Variants in TMEM132D observed in about 807,000 individuals in gnomAD.
The protein encoded by TMEM132D is transmembrane protein 132D.
TMEM132D carries 21 observed loss-of-function variants against 62.3 expected under a neutral mutation model. The ratio of observed to expected loss-of-function variants is 0.34; its 90% confidence interval spans 0.24 to 0.49. The LOEUF is 0.49. Among genes scored for constraint, TMEM132D ranks in the 20% least tolerant of loss-of-function variants. The pLI, the probability that TMEM132D is intolerant of heterozygous loss-of-function variation, is 0.99. For missense variants in TMEM132D, 1,346 were observed against 1,402.8 expected (o/e 0.96, Z 0.65); for synonymous variants, 621 against 575.6 (o/e 1.08, Z -1.13).
intron 2 of TMEM132D, among the ~76,000 whole-genome samples, chr12:129,560,845 A>T (rs1312351223): frequency 1.3e-5 from 2 of 152,178 alleles, no homozygotes; most frequent in Admixed American, 1.3e-4. Context: ...TGAAACTTTC[A>T]TGTTAGTTCT....
At chr12:129,436,803 T>C (rs1872799564) in intron 3 of TMEM132D, among the ~76,000 whole-genome samples, 2 of 152,152 alleles carry the variant, frequency 1.3e-5, no homozygotes, top group Non-Finnish European at 2.9e-5. Flanking sequence ...GACATAAAAA[T>C]GAACTTGAAG....
intron 3 of TMEM132D, among the ~76,000 whole-genome samples, chr12:129,476,267 T>C (rs144204638): frequency 1.3e-5 from 2 of 152,360 alleles, no homozygotes; most frequent in East Asian, 3.9e-4. Flanking sequence ...TGGACATTTG[T>C]AGGGCTATTG....
At chr12:129,637,236 A>G (rs1321775858) in intron 2 of TMEM132D, among the ~76,000 whole-genome samples, 1 of 152,226 alleles carries the variant, frequency 6.6e-6, no homozygotes, top group Non-Finnish European at 1.5e-5. Context: ...GTTGTATTCA[A>G]ATCTATACTT....
intron 4 of TMEM132D, among the ~76,000 whole-genome samples, chr12:129,230,169 A>G (rs1389019772): frequency 6.6e-6 from 1 of 152,198 alleles, no homozygotes; most frequent in Non-Finnish European, 1.5e-5. Context: ...TCTGAGGTCT[A>G]TGCTTCCCTT....
At chr12:129,127,505 A>G (rs1213633907) in intron 5 of TMEM132D, among the ~76,000 whole-genome samples, 2 of 152,194 alleles carry the variant, frequency 1.3e-5, no homozygotes, top group Non-Finnish European at 2.9e-5. Flanking sequence ...GAACGAAAGC[A>G]AACAAGCCCA....
At chr12:129,255,567 T>C (rs1275035558) in intron 4 of TMEM132D, among the ~76,000 whole-genome samples, 3 of 152,234 alleles carry the variant, frequency 2.0e-5, no homozygotes, top group Non-Finnish European at 4.4e-5. Flanking sequence ...GCAATTATGT[T>C]CTAAAACTAC....
chr12:129,854,086 G>C (rs1044763471), intron 1 of TMEM132D, among the ~76,000 whole-genome samples: 3 of 152,052 alleles, frequency 2.0e-5, no homozygotes, highest in Admixed American at 1.3e-4. Flanking sequence ...GGCAGTCCTC[G>C]TCACTTTCAC....
At chr12:129,237,059 C>T (rs1181766557) in intron 4 of TMEM132D, among the ~76,000 whole-genome samples, 1 of 152,134 alleles carries the variant, frequency 6.6e-6, no homozygotes, top group Non-Finnish European at 1.5e-5. Flanking sequence ...AACATCTTTG[C>T]ATCCGGGGGT....
At chr12:129,493,062 T>C (rs1874848712) in intron 3 of TMEM132D, among the ~76,000 whole-genome samples, 1 of 152,178 alleles carries the variant, frequency 6.6e-6, no homozygotes, top group African/African-American at 2.4e-5. Context: ...AAACCACCTG[T>C]GCCCCTGTAT....
At position 129,183,147 on chromosome 12, in the gene TMEM132D, C is replaced by G. The variant is rs116860752; in HGVS notation, c.1443+26373G>C. Among the ~76,000 whole-genome samples the G allele has an allele frequency of 4.3e-3, 654 of 152,292 alleles. 4 individuals carry two copies. The highest frequency in any genetic ancestry group is 7.9e-3 in the Non-Finnish European group (539 of 68,034). ...ATCCCTCTGACCAAAGCGGGCCAGG[C>G]CACATGGCCAAGACCAGGGTCAATA... On this transcript the variant is annotated intron_variant, in intron 5 of 8. Coordinates refer to ENST00000422113, the MANE Select transcript of TMEM132D (RefSeq NM_133448.3).
At chr12:129,352,724 C>A (rs1280722449) in intron 3 of TMEM132D, among the ~76,000 whole-genome samples, 1 of 152,072 alleles carries the variant, frequency 6.6e-6, no homozygotes, top group African/African-American at 2.4e-5. Context: ...CCATCTCATG[C>A]CAGTCAGAAT....
rs1235924782 is a variant in TMEM132D at position 129,339,354 on chromosome 12, G to T, written c.1116-1537C>A. Reference sequence around the variant, plus strand: ...AGAGGAGGGGAAGGAGGGGGCCGGAGAAATGAGATGAGAAGAACTGCCAAA... The same window carrying T: ...AGAGGAGGGGAAGGAGGGGGCCGGATAAATGAGATGAGAAGAACTGCCAAA... On this transcript the variant is annotated intron_variant, in intron 3 of 8. Transcript: ENST00000422113. 4.6e-5 allele frequency among the ~76,000 whole-genome samples: 7 copies of T among 152,306 alleles called. No individual in the cohort carries two copies. In the East Asian group the frequency reaches 9.6e-4, roughly 21 times the overall value.
intron 2 of TMEM132D, among the ~76,000 whole-genome samples, chr12:129,635,469 C>T (rs1879452442): frequency 6.6e-6 from 1 of 152,198 alleles, no homozygotes; most frequent in Non-Finnish European, 1.5e-5. Context: ...CCTGTGCAGT[C>T]GCCCTCCTTA....
intron 1 of TMEM132D, among the ~76,000 whole-genome samples, chr12:129,838,738 G>A (rs1051976822): frequency 1.1e-4 from 17 of 152,094 alleles, no homozygotes; most frequent in East Asian, 3.9e-4. Context: ...AAATGCCAGC[G>A]GCAAACAAGA....
chr12:129,559,078 A>G (rs1326242329), intron 2 of TMEM132D, among the ~76,000 whole-genome samples: 1 of 152,234 alleles, frequency 6.6e-6, no homozygotes, highest in Non-Finnish European at 1.5e-5. Context: ...AGACCATTAG[A>G]GTAATCCACT....
At chr12:129,900,604 C>A (rs190240956) in intron 1 of TMEM132D, among the ~76,000 whole-genome samples, 26 of 152,332 alleles carry the variant, frequency 1.7e-4, no homozygotes, top group Non-Finnish European at 2.5e-4. Context: ...TGGCAACCCT[C>A]TTGACTTTGT....
At chr12:129,133,163 T>TTG (rs1389471810) in intron 5 of TMEM132D, among the ~76,000 whole-genome samples, 1 of 143,964 alleles carries the variant, frequency 6.9e-6, no homozygotes, top group African/African-American at 3.0e-5. Context: ...TCTGCATCTA[T>TTG]TTTTTTTCTA....
chr12:129,081,679 C>T (rs995667581), intron 7 of TMEM132D, 80 bp downstream of exon 7: 1 of 1,494,568 alleles, frequency 6.7e-7, no homozygotes, highest in Non-Finnish European at 8.9e-7. Flanking sequence ...CAATGACAAA[C>T]AGCTGGTTTC....
chr12:129,475,942 A>G (rs1874243474), intron 3 of TMEM132D, among the ~76,000 whole-genome samples: 1 of 152,258 alleles, frequency 6.6e-6, no homozygotes, highest in Non-Finnish European at 1.5e-5. Flanking sequence ...ATTATGCAGA[A>G]ATACTTCCTA....
Sources: gnomAD v4.1 joint callset for allele counts (sites outside exome capture counted in the v4.1 genomes callset) on GRCh38, gnomAD v4.1.1 for gene constraint, MANE v1.5 for transcripts, NCBI Gene and HGNC (gene_info 2026-07-23, HGNC 2026-07-21) for gene names.